MAP2K6: variants seen among roughly 807,000 people sequenced by gnomAD.
MAP2K6 encodes mitogen-activated protein kinase kinase 6.
MAP2K6 carries 16 observed loss-of-function variants against 53.7 expected under a neutral mutation model. The ratio of observed to expected loss-of-function variants is 0.30; its 90% CI spans 0.20 to 0.45. The LOEUF is 0.45. MAP2K6 is among the 20% of genes least tolerant of loss of function. MAP2K6 has a pLI of 1.00. For synonymous variants in MAP2K6, 132 were observed against 143.1 expected (o/e 0.92, Z 0.55); for missense variants, 204 against 411.9 (o/e 0.50, Z 4.37).
At chr17:69,536,793 A>G (rs754464447) in intron 11 of MAP2K6, among the ~76,000 whole-genome samples, 5 of 152,218 alleles carry the variant, frequency 3.3e-5, no homozygotes, top group African/African-American at 4.8e-5. Flanking sequence ...TGTGGTAACT[A>G]TAGGCCGGGC....
chr17:69,482,672 C>G (rs1272466250), intron 1 of MAP2K6, among the ~76,000 whole-genome samples: 1 of 138,344 alleles, frequency 7.2e-6, no homozygotes, highest in Non-Finnish European at 1.5e-5. Context: ...TGCCCTGTTC[C>G]TCATTTAGCC....
At chr17:69,439,819 G>A (rs1906760751) in intron 1 of MAP2K6, among the ~76,000 whole-genome samples, 2 of 152,112 alleles carry the variant, frequency 1.3e-5, no homozygotes, top group African/African-American at 4.8e-5. Context: ...AGCTAAAATA[G>A]CTACTTTAGC....
chr17:69,473,192 A>G (rs1908037601), intron 1 of MAP2K6, among the ~76,000 whole-genome samples: 1 of 152,254 alleles, frequency 6.6e-6, no homozygotes, highest in Admixed American at 6.5e-5. Flanking sequence ...TTTTGCTTAA[A>G]GTCACAGTTT....
At chr17:69,436,826 T>C (rs1258029546) in intron 1 of MAP2K6, among the ~76,000 whole-genome samples, 1 of 151,770 alleles carries the variant, frequency 6.6e-6, no homozygotes, top group Non-Finnish European at 1.5e-5. Context: ...TTTTCTTTTA[T>C]TTATTTATTT....
At chr17:69,538,713 G>T (rs7222609) in intron 11 of MAP2K6, among the ~76,000 whole-genome samples, 1,575 of 152,320 alleles carry the variant, frequency 0.01, 29 homozygotes, top group African/African-American at 0.035. Flanking sequence ...AACACGGATT[G>T]AAGGGTGTGT....
At chr17:69,536,071 A>G in intron 10 of MAP2K6, 44 bp from the exon 11 acceptor site, 1 of 1,302,108 alleles carries the variant, frequency 7.7e-7, no homozygotes, top group Non-Finnish European at 1.1e-6. Context: ...TAATGAAAAT[A>G]TATATGGCTT....
At chr17:69,535,912 CTA>C (rs1411195019) in intron 10 of MAP2K6, among the ~76,000 whole-genome samples, 1 of 144,966 alleles carries the variant, frequency 6.9e-6, no homozygotes, top group East Asian at 2.1e-4. Flanking sequence ...ACACACACAA[CTA>C]TTTTTCCCAT....
intron 1 of MAP2K6, among the ~76,000 whole-genome samples, chr17:69,443,516 C>A (rs917430954): frequency 6.6e-6 from 1 of 152,134 alleles, no homozygotes; most frequent in African/African-American, 2.4e-5. Context: ...AAAATCTGAG[C>A]GGTTATTCTA....
chr17:69,447,323 G>A (rs1247162912), intron 1 of MAP2K6, among the ~76,000 whole-genome samples: 3 of 151,798 alleles, frequency 2.0e-5, no homozygotes, highest in South Asian at 4.2e-4. Flanking sequence ...GTAGAAGTAG[G>A]TTTGGGAATT....
chr17:69,466,950 G>A (rs1206091860), intron 1 of MAP2K6, among the ~76,000 whole-genome samples: 3 of 152,170 alleles, frequency 2.0e-5, no homozygotes, highest in Non-Finnish European at 4.4e-5. Context: ...GTGAACTTTT[G>A]ATGTACCATC....
intron 2 of MAP2K6, among the ~76,000 whole-genome samples, chr17:69,512,694 T>A (rs191333471): frequency 1.3e-5 from 2 of 152,344 alleles, no homozygotes; most frequent in East Asian, 3.9e-4. Context: ...GAGGTATTAA[T>A]GAGGTATTAT....
At chr17:69,451,752 G>A (rs1907234367) in intron 1 of MAP2K6, among the ~76,000 whole-genome samples, 1 of 152,190 alleles carries the variant, frequency 6.6e-6, no homozygotes, top group Admixed American at 6.5e-5. Flanking sequence ...CCCCTGTGCT[G>A]AGCATGACTG....
intron 1 of MAP2K6, among the ~76,000 whole-genome samples, chr17:69,487,903 A>G (rs1908605716): frequency 6.6e-6 from 1 of 152,228 alleles, no homozygotes; most frequent in Admixed American, 6.5e-5. Flanking sequence ...TTATGAAATT[A>G]CTGTATGCAG....
At chr17:69,440,775 CCTT>C (rs1046906341) in intron 1 of MAP2K6, among the ~76,000 whole-genome samples, 3 of 150,126 alleles carry the variant, frequency 2.0e-5, no homozygotes, top group African/African-American at 7.4e-5. Context: ...TGTGCTGAAT[CCTT>C]CTAGCCTCCA....
At position 69,467,229 on chromosome 17, in the gene MAP2K6, G is replaced by A. The variant is rs192128678; in HGVS notation, c.17-38551G>A. On this transcript the variant is annotated intron_variant, in intron 1 of 11. Coordinates refer to ENST00000590474, the MANE Select transcript of MAP2K6 (RefSeq NM_002758.4). The stretch of plus-strand genomic sequence containing the variant: ...AAGAATATGGAATTAAGTAAGCGAG[G>A]TACCATATATGAATAGGTACAAGAA... 2.0e-5 allele frequency among the ~76,000 whole-genome samples: 3 copies of A among 152,252 alleles called. No individual in the cohort carries two copies. The South Asian group carries it at 6.2e-4, about 32-fold the overall frequency.
chr17:69,448,034 G>C (rs934185890), intron 1 of MAP2K6, among the ~76,000 whole-genome samples: 9 of 152,070 alleles, frequency 5.9e-5, no homozygotes, highest in Admixed American at 2.0e-4. Context: ...ATGAAGGGAA[G>C]TCAGCCCGTT....
rs146985665 is a variant in MAP2K6 at position 69,440,874 on chromosome 17, T to C, written c.16+25874T>C. On this transcript the variant is annotated intron_variant, in intron 1 of 11. Transcript: ENST00000590474. ...GTTTCTTTCTGGCTACTTTCAAGAT[T>C]GTTTTCTTTAGTTTTCTGGTTACTA... Among the ~76,000 whole-genome samples, 372 of 152,314 alleles carry C rather than the reference T, an allele frequency of 2.4e-3. 2 individuals carry two copies. Among genetic ancestry groups the C allele is most frequent in the African/African-American group, 8.8e-3 (364 of 41,568 alleles).
At position 69,545,592 on chromosome 17, in the gene MAP2K6, C is replaced by G. The variant is rs1295596912; in HGVS notation, c.*3839C>G. 6.6e-6 allele frequency: 1 copy of G among 152,166 alleles called. No homozygotes were observed. The highest frequency in any genetic ancestry group is 3.2e-3 in the Middle Eastern group (1 of 316). The allele number at this position is 152,166 out of a possible 1,614,324, so 9.4% of individuals were successfully genotyped here. On this transcript the variant is annotated 3_prime_UTR_variant, in exon 12 of 12. Transcript: ENST00000590474. Reference sequence around the variant, plus strand: ...CTGTGTTCAGGGTGCCATTAGTTGTCTTGGTACTTTTTTCATGGTGCCCCA... The same window carrying G: ...CTGTGTTCAGGGTGCCATTAGTTGTGTTGGTACTTTTTTCATGGTGCCCCA...
At chr17:69,534,634 C>T (rs1911264655) in intron 10 of MAP2K6, among the ~76,000 whole-genome samples, 1 of 151,736 alleles carries the variant, frequency 6.6e-6, no homozygotes, top group Non-Finnish European at 1.5e-5. Flanking sequence ...TTCGCTCTCT[C>T]ATGGTTCTGT....
Sources: allele counts gnomAD v4.1 joint callset (sites outside exome capture counted in the v4.1 genomes callset), GRCh38; gene constraint gnomAD v4.1.1; transcripts MANE v1.5; gene names NCBI Gene and HGNC (gene_info 2026-07-23, HGNC 2026-07-21).